The following HTR1F variants were observed in gnomAD, a reference collection of about 807,000 sequenced individuals.
The protein encoded by HTR1F is 5-hydroxytryptamine (serotonin) receptor 1F, G protein-coupled.
A neutral mutation model predicts 24.0 loss-of-function variants in HTR1F; 17 were observed. That is an observed-to-expected ratio of 0.71 (90% CI 0.48 to 1.06). The LOEUF (loss-of-function observed/expected upper bound fraction) is 1.06, where lower values mean the gene tolerates loss of function less well. Ranked by LOEUF, HTR1F falls within the 50% of genes least tolerant of loss-of-function variation. The pLI, the probability that HTR1F is intolerant of heterozygous loss-of-function variation, is 0.00. For synonymous variants in HTR1F, 186 were observed against 156.8 expected, an observed-to-expected ratio of 1.19 and a Z score of -1.39; for missense variants, 391 against 427.8, an observed-to-expected ratio of 0.91 and a Z score of 0.76.
intron 2 of HTR1F, among the ~76,000 whole-genome samples, chr3:87,976,969 T>C (rs1379581364): frequency 1.3e-5 from 2 of 152,312 alleles, no homozygotes; most frequent in African/African-American, 2.4e-5. Flanking sequence ...ATCATGACCA[T>C]AAACTTTCAA....
chr3:87,977,177 T>C (rs1237747224), intron 2 of HTR1F, among the ~76,000 whole-genome samples: 5 of 152,070 alleles, frequency 3.3e-5, no homozygotes, highest in East Asian at 1.9e-4. Context: ...GGGGTAAAAA[T>C]TGAAATGCTT....
chr3:87,980,043 C>T (rs868040977), intron 2 of HTR1F, among the ~76,000 whole-genome samples: 36 of 152,294 alleles, frequency 2.4e-4, no homozygotes, highest in Middle Eastern at 6.8e-3. Flanking sequence ...TCCTCATTGC[C>T]CACACTGTGG....
chr3:87,989,713 T>C (rs1017602395), intron 2 of HTR1F, among the ~76,000 whole-genome samples: 23 of 152,224 alleles, frequency 1.5e-4, no homozygotes, highest in African/African-American at 3.4e-4. Context: ...TATTTTCTTA[T>C]ATTGCATCAT....
At chr3:87,872,633 T>TA (rs1223113116) in intron 2 of HTR1F, among the ~76,000 whole-genome samples, 3 of 151,634 alleles carry the variant, frequency 2.0e-5, no homozygotes, top group East Asian at 1.9e-4. Flanking sequence ...GCCACAGAAA[T>TA]AAAAAAGATC....
At chr3:87,919,193 C>A (rs1484175111) in intron 2 of HTR1F, among the ~76,000 whole-genome samples, 1 of 152,094 alleles carries the variant, frequency 6.6e-6, no homozygotes, top group African/African-American at 2.4e-5. Context: ...GCAACTGGAT[C>A]CTCATCTCTC....
At chr3:87,894,481 C>G (rs998703579) in intron 2 of HTR1F, among the ~76,000 whole-genome samples, 1 of 151,516 alleles carries the variant, frequency 6.6e-6, no homozygotes, top group African/African-American at 2.4e-5. Flanking sequence ...TGGCCTCAAA[C>G]TCCTGACCTC....
intron 2 of HTR1F, among the ~76,000 whole-genome samples, chr3:87,937,148 G>A (rs180855707): frequency 1.3e-5 from 2 of 148,600 alleles, no homozygotes; most frequent in East Asian, 3.9e-4. Flanking sequence ...GCATCATCCT[G>A]ATACCAAAAC....
chr3:87,889,378 A>G (rs904580672), intron 2 of HTR1F, among the ~76,000 whole-genome samples: 1 of 152,190 alleles, frequency 6.6e-6, no homozygotes, highest in African/African-American at 2.4e-5. Context: ...ATTTCATCTT[A>G]TCACCTGCCA....
At chr3:87,822,518 A>C (rs979869267) in intron 2 of HTR1F, among the ~76,000 whole-genome samples, 5 of 152,256 alleles carry the variant, frequency 3.3e-5, no homozygotes, top group Non-Finnish European at 5.9e-5. Flanking sequence ...CTCAATTATA[A>C]TAATGATTTG....
At chr3:87,922,639 T>C (rs1478644776) in intron 2 of HTR1F, among the ~76,000 whole-genome samples, 1 of 152,040 alleles carries the variant, frequency 6.6e-6, no homozygotes, top group Non-Finnish European at 1.5e-5. Flanking sequence ...TTTCTTCTAG[T>C]CATGTCACAG....
intron 2 of HTR1F, among the ~76,000 whole-genome samples, chr3:87,909,662 A>C (rs1703734947): frequency 6.6e-6 from 1 of 152,050 alleles, no homozygotes; most frequent in African/African-American, 2.4e-5. Context: ...CCATCATAGA[A>C]GTTTATTTTT....
At chr3:87,932,950 C>T (rs1292211953) in intron 2 of HTR1F, among the ~76,000 whole-genome samples, 3 of 149,390 alleles carry the variant, frequency 2.0e-5, no homozygotes, top group Admixed American at 1.3e-4. Context: ...TGCAAAAATC[C>T]TCAATAAAAT....
Position 87,990,815 on chromosome 3 carries a change from C to T in HTR1F, c.66C>T (p.Ser22=). ...AGGAACTGTTAAACAGAATGCCATC[C>T]AAAATTCTGGTGTCCCTCACTCTGT... The part of the protein sequence containing the change: ...TSEELLNRMP[S]KILVSLTLSG... The change falls in exon 3 of 3, where the codon TCC becomes TCT. Residue 22 remains serine, a synonymous_variant. Transcript: ENST00000319595. 1 of 1,613,826 alleles carries T rather than the reference C, an allele frequency of 6.2e-7. No homozygotes were observed. Among genetic ancestry groups the T allele is most frequent in the Non-Finnish European group, 8.5e-7 (1 of 1,179,738 alleles).
intron 2 of HTR1F, among the ~76,000 whole-genome samples, chr3:87,916,065 A>C (rs1321436041): frequency 6.6e-6 from 1 of 152,102 alleles, no homozygotes; most frequent in Non-Finnish European, 1.5e-5. Flanking sequence ...GCCTCCTCAA[A>C]CAAAACAATT....
chr3:87,887,494 G>C (rs1705977288), intron 2 of HTR1F, among the ~76,000 whole-genome samples: 1 of 152,134 alleles, frequency 6.6e-6, no homozygotes, highest in Non-Finnish European at 1.5e-5. Context: ...TTAAACTAAA[G>C]AGCTTCTGCA....
intron 2 of HTR1F, among the ~76,000 whole-genome samples, chr3:87,885,362 T>C (rs558820165): frequency 6.6e-6 from 1 of 152,280 alleles, no homozygotes; most frequent in African/African-American, 2.4e-5. Flanking sequence ...GGGAAATTTA[T>C]AGCACTAAAT....
chr3:87,992,461 C>G lies in HTR1F; in HGVS notation c.*611C>G, dbSNP rs1238687603. On this transcript the variant is annotated 3_prime_UTR_variant, in exon 3 of 3. Transcript: ENST00000319595. ...GAGTAATCATAAAGTGGGTTAGGTACAGCAAAATAATTCAATACTGAACTT... is the reference window on the plus strand; with the variant it reads ...GAGTAATCATAAAGTGGGTTAGGTAGAGCAAAATAATTCAATACTGAACTT... The G allele has an allele frequency of 6.0e-6, 1 of 166,950 alleles. No homozygotes were observed. Among genetic ancestry groups the G allele is most frequent in the African/African-American group, 2.4e-5 (1 of 41,416 alleles). 10.3% of individuals were successfully genotyped at this position (166,950 alleles called of 1,614,324 possible). A position where few individuals can be genotyped will look rare whatever the true frequency, so the allele number is the denominator to read the frequency against.
chr3:87,976,848 G>A (rs1264928140), intron 2 of HTR1F, among the ~76,000 whole-genome samples: 1 of 152,086 alleles, frequency 6.6e-6, no homozygotes, highest in Non-Finnish European at 1.5e-5. Context: ...TCTAGTTCCT[G>A]GTGATAACCA....
intron 2 of HTR1F, among the ~76,000 whole-genome samples, chr3:87,901,445 C>A (rs1273285872): frequency 1.3e-5 from 2 of 152,086 alleles, no homozygotes; most frequent in African/African-American, 2.4e-5. Context: ...AATAACCATG[C>A]TGACACCTTG....
Sources: gnomAD v4.1 joint callset for allele counts (sites outside exome capture counted in the v4.1 genomes callset) on GRCh38, gnomAD v4.1.1 for gene constraint, MANE v1.5 for transcripts, NCBI Gene and HGNC (gene_info 2026-07-23, HGNC 2026-07-21) for gene names.